Variants in SCRN1 observed in about 807,000 individuals in gnomAD.
SCRN1 encodes the protein secernin-1.
A neutral mutation model predicts 43.3 loss-of-function variants in SCRN1; 19 were observed. That is an observed-to-expected ratio of 0.44 (90% CI 0.31 to 0.64). The LOEUF is 0.64. SCRN1 is among the 30% of genes least tolerant of loss of function. SCRN1 has a pLI of 0.09. For missense variants in SCRN1, 447 were observed against 524.1 expected (o/e 0.85, Z 1.44); for synonymous variants, 183 against 188.9 (o/e 0.97, Z 0.26).
chr7:29,959,889 C>A (rs2128095212), intron 2 of SCRN1, among the ~76,000 whole-genome samples: 1 of 150,582 alleles, frequency 6.6e-6, no homozygotes. Flanking sequence ...AGACTGGGGA[C>A]TCCTGATTCT....
intron 4 of SCRN1, among the ~76,000 whole-genome samples, chr7:29,942,312 C>T (rs1787583899): frequency 6.6e-6 from 1 of 152,218 alleles, no homozygotes; most frequent in Admixed American, 6.5e-5. Flanking sequence ...CATCACACCG[C>T]TGCTGGGATC....
intron 2 of SCRN1, among the ~76,000 whole-genome samples, chr7:29,958,105 A>T (rs1164383907): frequency 4.6e-5 from 7 of 152,224 alleles, no homozygotes; most frequent in Admixed American, 4.6e-4. Flanking sequence ...ACCGAAAGCC[A>T]GGCAGCCAGA....
At chr7:29,926,356 T>G in intron 7 of SCRN1, 96 bp downstream of exon 7, 1 of 1,319,950 alleles carries the variant, frequency 7.6e-7, no homozygotes, top group Non-Finnish European at 1.1e-6. Flanking sequence ...TGGGTGGGGG[T>G]AGGGTCTAGC....
Position 29,950,099 on chromosome 7 carries a change from C to G in SCRN1, c.341+5080G>C, listed in dbSNP as rs1787870383. 6.6e-6 allele frequency among the ~76,000 whole-genome samples: 1 copy of G among 152,228 alleles called. No individual in the cohort carries two copies. Among genetic ancestry groups the G allele is most frequent in the South Asian group, 2.1e-4 (1 of 4,836 alleles). On this transcript the variant is annotated intron_variant, in intron 3 of 7. Coordinates refer to ENST00000242059, the MANE Select transcript of SCRN1 (RefSeq NM_014766.5). This position sits in a 1 kb window ranked among gnomAD's most constrained non-coding sequence, Gnocchi z 4.5. ...CCCATGCTCCCAGGCACAGCTGCAG[C>G]TGCTCTGGACCTGGGCATCCCTGCA...
chr7:29,960,071 GC>G (rs1360465740), intron 2 of SCRN1, among the ~76,000 whole-genome samples: 3 of 151,836 alleles, frequency 2.0e-5, no homozygotes, highest in African/African-American at 2.4e-5. Context: ...GCTTTGCTCA[GC>G]TCTCTCTGAT....
At chr7:29,929,834 C>A (rs1434839818) in intron 6 of SCRN1, among the ~76,000 whole-genome samples, 1 of 152,196 alleles carries the variant, frequency 6.6e-6, no homozygotes, top group Non-Finnish European at 1.5e-5. Context: ...CAGTCAGGGT[C>A]TTCTGTATTC....
intron 3 of SCRN1, among the ~76,000 whole-genome samples, chr7:29,952,009 C>T (rs1031861431): frequency 6.6e-6 from 1 of 152,166 alleles, no homozygotes; most frequent in Non-Finnish European, 1.5e-5. Context: ...AGAAGCTGTC[C>T]AGGGAGGAAC....
At position 29,944,262 on chromosome 7, in the gene SCRN1, C is replaced by T. The variant is rs146873738; in HGVS notation, c.342-83G>A. 7.2e-5 allele frequency: 91 copies of T among 1,268,876 alleles called. No individual in the cohort carries two copies. The East Asian group carries it at 2.0e-3, about 28-fold the overall frequency. 78.6% of individuals were successfully genotyped at this position (1,268,876 alleles called of 1,614,324 possible). On this transcript the variant is annotated intron_variant, in intron 3 of 7. Coordinates refer to ENST00000242059, the MANE Select transcript of SCRN1 (RefSeq NM_014766.5). ...AGAGTAACCAAAGACTGGGCAAGGC[C>T]GAGTTATGAAGCATGCCAACATGTG...
intron 3 of SCRN1, among the ~76,000 whole-genome samples, chr7:29,948,419 C>T (rs967298782): frequency 1.3e-5 from 2 of 152,232 alleles, no homozygotes; most frequent in Non-Finnish European, 2.9e-5. Flanking sequence ...TACACAGGTT[C>T]CTCCCGCCTA....
chr7:29,976,404 A>G (rs915864599), intron 1 of SCRN1, among the ~76,000 whole-genome samples: 19 of 152,210 alleles, frequency 1.2e-4, no homozygotes, highest in African/African-American at 4.6e-4. Flanking sequence ...AGAAAGTAGA[A>G]TGGTGGTTGC....
chr7:29,926,424 C>CGCCTCT lies in SCRN1; in HGVS notation c.1086+22_1086+27dup, dbSNP rs377204195. 1.0e-3 allele frequency: 1,662 copies of CGCCTCT among 1,603,336 alleles called. 29 individuals are homozygous for CGCCTCT. The African/African-American group carries it at 0.02, about 19-fold the overall frequency. ...GACCTCGCCCGCCCGCCTCCGCCTC[C>CGCCTCT]GCCTCTGTGGCCCTCATGCAAGCTC... is the stretch of plus-strand genomic sequence containing the variant. On this transcript the variant is annotated intron_variant, in intron 7 of 7. Transcript: ENST00000242059.
At chr7:29,955,532 G>A (rs944561893) in intron 2 of SCRN1, among the ~76,000 whole-genome samples, 172 bp from the exon 3 acceptor site, 1 of 152,196 alleles carries the variant, frequency 6.6e-6, no homozygotes, top group Non-Finnish European at 1.5e-5. Context: ...AAGTCTCCAT[G>A]GTGAGTTTCA....
chr7:29,990,018 C>T, upstream of SCRN1: 1 of 1,457,502 alleles, frequency 6.9e-7, no homozygotes, highest in Non-Finnish European at 9.0e-7. Flanking sequence ...GTGGCCCCCT[C>T]TTTGCTAGAT....
At chr7:29,979,539 T>C (rs1788937180) in intron 1 of SCRN1, among the ~76,000 whole-genome samples, 1 of 152,130 alleles carries the variant, frequency 6.6e-6, no homozygotes, top group Non-Finnish European at 1.5e-5. Context: ...TAGATACATG[T>C]CTCATTACGC....
intron 3 of SCRN1, among the ~76,000 whole-genome samples, 172 bp from the exon 4 acceptor site, chr7:29,944,351 C>T (rs1787658156): frequency 6.6e-6 from 1 of 152,198 alleles, no homozygotes; most frequent in South Asian, 2.1e-4. Flanking sequence ...CCAGAACACA[C>T]TTCTCACATG....
chr7:29,950,408 G>C lies in SCRN1; in HGVS notation c.341+4771C>G, dbSNP rs1440316654. On this transcript the variant is annotated intron_variant, in intron 3 of 7. Transcript: ENST00000242059. This position sits in a 1 kb window ranked among gnomAD's most constrained non-coding sequence, Gnocchi z 4.5. ...GTGTGGGCCTGCCAGTGCCCCCCAA[G>C]ATGAAAAACCTGGACATCATGGATG... 6.6e-6 allele frequency among the ~76,000 whole-genome samples: 1 copy of C among 152,184 alleles called. No homozygotes were observed. Among genetic ancestry groups the C allele is most frequent in the Non-Finnish European group, 1.5e-5 (1 of 68,032 alleles).
In SCRN1 at chr7:29,940,796, G is replaced by C; in HGVS notation, c.625C>G (p.Gln209Glu). Residue 209 changes from glutamine to glutamate, a missense_variant, in exon 5 of 8, where the codon CAG (glutamine) becomes GAG (glutamate). Physicochemically the swap from Gln to Glu is conservative, Grantham distance 29. Transcript: ENST00000242059. ...AEHPELRSYA[Q>E]SQGWWTGEGE... ...TCTCCCGTCCACCAACCTTGGCTCT[G>C]AGCGTAACTCCTGAGTTCCGGATGC... 6.2e-7 allele frequency: 1 copy of C among 1,607,656 alleles called. No individual in the cohort carries two copies. The highest frequency in any genetic ancestry group is 8.5e-7 in the Non-Finnish European group (1 of 1,178,332).
At chr7:29,943,680 A>G (rs923870404) in intron 4 of SCRN1, among the ~76,000 whole-genome samples, 1 of 152,186 alleles carries the variant, frequency 6.6e-6, no homozygotes, top group African/African-American at 2.4e-5. Context: ...CTCTTGGCCA[A>G]TTAATAGAGT....
chr7:29,923,946 G>T lies in SCRN1; in HGVS notation c.*11C>A. The T allele has an allele frequency of 6.2e-7, 1 of 1,602,692 alleles. No individual in the cohort carries two copies. On this transcript the variant is annotated 3_prime_UTR_variant, in exon 8 of 8. Coordinates refer to ENST00000242059, the MANE Select transcript of SCRN1 (RefSeq NM_014766.5). ...AAGTCTTAAATAAGAAGGGGAAAGGGAACGCTTACTTCACTTAAAGAACTT... is the reference window on the plus strand; with the variant it reads ...AAGTCTTAAATAAGAAGGGGAAAGGTAACGCTTACTTCACTTAAAGAACTT...
Sources: allele counts gnomAD v4.1 joint callset (sites outside exome capture counted in the v4.1 genomes callset), GRCh38; gene constraint gnomAD v4.1.1; non-coding constraint Gnocchi (gnomAD v3.1); transcripts MANE v1.5; gene names NCBI Gene and HGNC (gene_info 2026-07-23, HGNC 2026-07-21).